MGAT4C: variants seen among roughly 807,000 people sequenced by gnomAD.
MGAT4C encodes MGAT4 family member C, also known as alpha-1,3-mannosyl-glycoprotein 4-beta-N-acetylglucosaminyltransferase C.
A neutral mutation model predicts 40.1 loss-of-function variants in MGAT4C; 19 were observed. The observed-to-expected ratio is 0.47, with a 90% confidence interval of 0.33 to 0.70. The LOEUF is 0.70. MGAT4C is among the 30% of genes least tolerant of loss of function. The pLI is 0.02. For synonymous variants in MGAT4C, 181 were observed against 187.1 expected (o/e 0.97, Z 0.27); for missense variants, 491 against 563.2 (o/e 0.87, Z 1.30).
At chr12:86,286,126 G>A (rs367603265) in intron 4 of MGAT4C, among the ~76,000 whole-genome samples, 1 of 151,884 alleles carries the variant, frequency 6.6e-6, no homozygotes, top group African/African-American at 2.4e-5. Flanking sequence ...TTTAATTCTT[G>A]TATCCTTTTC....
At position 86,521,329 on chromosome 12, in the gene MGAT4C, C is replaced by T. The variant is rs187298444; in HGVS notation, c.-228-86064G>A. Among the ~76,000 whole-genome samples, 16 of 152,258 alleles carry T rather than the reference C, an allele frequency of 1.1e-4. No homozygotes were observed. In the East Asian group the frequency reaches 3.1e-3, roughly 29 times the overall value. On this transcript the variant is annotated intron_variant, in intron 2 of 7. Transcript: ENST00000548651. ...TAGCACCATTTATTGAATAGGGTGT[C>T]CTTTACCCATTGCTTGTTTTTGTCA...
chr12:86,771,495 A>G (rs1405220343), intron 1 of MGAT4C, among the ~76,000 whole-genome samples: 2 of 152,100 alleles, frequency 1.3e-5, no homozygotes, highest in African/African-American at 2.4e-5. Flanking sequence ...TCAGAAAAAA[A>G]AAGATAGCTG....
At position 85,996,730 on chromosome 12, in the gene MGAT4C, G is replaced by A. The variant is rs112608557; in HGVS notation, c.-6-7178C>T. 4.2e-3 allele frequency among the ~76,000 whole-genome samples: 640 copies of A among 151,674 alleles called. 4 individuals carry two copies. The highest frequency in any genetic ancestry group is 0.015 in the African/African-American group (615 of 41,332). ...ATAAATGTACATGCAATAAATAAGA[G>A]TTTCAAAATACCTAAACAAAACTGA... On this transcript the variant is annotated intron_variant, in intron 2 of 4. Coordinates refer to ENST00000611864, the MANE Select transcript of MGAT4C (RefSeq NM_001351288.2).
chr12:85,998,127 C>A (rs1565835343), intron 2 of MGAT4C, among the ~76,000 whole-genome samples: 1 of 152,220 alleles, frequency 6.6e-6, no homozygotes, highest in Non-Finnish European at 1.5e-5. Context: ...TGGAAGCTGC[C>A]AAGGCTTGGG....
intron 2 of MGAT4C, among the ~76,000 whole-genome samples, chr12:86,436,138 G>C (rs1039499056): frequency 1.3e-5 from 2 of 151,748 alleles, no homozygotes; most frequent in Admixed American, 6.6e-5. Flanking sequence ...GTACCACTAC[G>C]AAAAATATGA....
chr12:86,255,299 AT>A (rs1952470678), intron 1 of MGAT4C, among the ~76,000 whole-genome samples: 2 of 152,116 alleles, frequency 1.3e-5, no homozygotes, highest in African/African-American at 2.4e-5. Flanking sequence ...AATAGACAAC[AT>A]TTGAGGGGAT....
At chr12:86,442,312 C>G (rs887041371) in intron 2 of MGAT4C, among the ~76,000 whole-genome samples, 14 of 152,128 alleles carry the variant, frequency 9.2e-5, no homozygotes, top group African/African-American at 3.1e-4. Flanking sequence ...CACTCTGATG[C>G]TAGTTTCTTT....
At chr12:86,322,016 A>C (rs1359044392) in intron 4 of MGAT4C, among the ~76,000 whole-genome samples, 3 of 152,070 alleles carry the variant, frequency 2.0e-5, no homozygotes, top group Non-Finnish European at 2.9e-5. Context: ...AATATGGCAC[A>C]TATACACCAT....
chr12:86,229,803 C>T (rs1178603672), intron 1 of MGAT4C, among the ~76,000 whole-genome samples: 2 of 151,968 alleles, frequency 1.3e-5, no homozygotes, highest in East Asian at 1.9e-4. Context: ...TGGTAGGAAA[C>T]ATTATATTAC....
intron 2 of MGAT4C, among the ~76,000 whole-genome samples, chr12:86,497,349 A>G (rs949447314): frequency 1.3e-5 from 2 of 151,974 alleles, no homozygotes; most frequent in African/African-American, 4.8e-5. Flanking sequence ...TGCTTTGACA[A>G]GGAGAAGAAA....
intron 2 of MGAT4C, among the ~76,000 whole-genome samples, chr12:86,034,611 G>A (rs1891056761): frequency 6.7e-6 from 1 of 148,348 alleles, no homozygotes; most frequent in Non-Finnish European, 1.5e-5. Flanking sequence ...TTAAGTTCTG[G>A]AGTACATGTG....
intron 2 of MGAT4C, among the ~76,000 whole-genome samples, chr12:86,487,114 C>T (rs1220547001): frequency 6.6e-6 from 1 of 152,158 alleles, no homozygotes; most frequent in Non-Finnish European, 1.5e-5. Context: ...ACGTCTTTCT[C>T]TCTCTGTAAA....
chr12:86,683,061 T>G (rs997274995), intron 2 of MGAT4C, among the ~76,000 whole-genome samples: 5 of 152,166 alleles, frequency 3.3e-5, no homozygotes, highest in African/African-American at 1.2e-4. Context: ...GAGCAGGATG[T>G]CTTTGGATTT....
At chr12:86,298,269 G>C (rs540175690) in intron 4 of MGAT4C, among the ~76,000 whole-genome samples, 1 of 152,072 alleles carries the variant, frequency 6.6e-6, no homozygotes, top group Non-Finnish European at 1.5e-5. Flanking sequence ...ACTTATTCAT[G>C]AAGAACAAAA....
chr12:86,790,854 G>C (rs928553581), intron 1 of MGAT4C, among the ~76,000 whole-genome samples: 2 of 152,068 alleles, frequency 1.3e-5, no homozygotes, highest in African/African-American at 4.8e-5. Flanking sequence ...TCTAGGGCCT[G>C]GGCATCCCTA....
chr12:86,010,967 G>A (rs1888409223), intron 2 of MGAT4C, among the ~76,000 whole-genome samples: 1 of 152,078 alleles, frequency 6.6e-6, no homozygotes, highest in Non-Finnish European at 1.5e-5. Flanking sequence ...GTAGCATGAG[G>A]CCCTCACCAG....
At chr12:86,710,779 C>T (rs184276528) in intron 2 of MGAT4C, among the ~76,000 whole-genome samples, 29 of 152,226 alleles carry the variant, frequency 1.9e-4, no homozygotes, top group African/African-American at 6.0e-4. Flanking sequence ...AATATGGAAC[C>T]AACTTAACTG....
At chr12:86,717,140 A>G (rs771488342) in intron 2 of MGAT4C, among the ~76,000 whole-genome samples, 8 of 151,858 alleles carry the variant, frequency 5.3e-5, no homozygotes, top group Non-Finnish European at 8.8e-5. Context: ...CAATTTTTTT[A>G]AAAAACAGAC....
chr12:86,622,155 G>A (rs762389199), intron 2 of MGAT4C, among the ~76,000 whole-genome samples: 27 of 152,046 alleles, frequency 1.8e-4, no homozygotes, highest in East Asian at 3.9e-4. Context: ...TTATTGTGAC[G>A]TAATTTTATT....
Sources: allele counts gnomAD v4.1 joint callset (sites outside exome capture counted in the v4.1 genomes callset), GRCh38; gene constraint gnomAD v4.1.1; transcripts MANE v1.5; gene names NCBI Gene and HGNC (gene_info 2026-07-23, HGNC 2026-07-21).